SIMC1: variants seen among roughly 807,000 people sequenced by gnomAD.
SIMC1 encodes SUMO interacting motifs containing 1.
SIMC1 carries 55 observed loss-of-function variants against 82.3 expected under a neutral mutation model. That is an observed-to-expected ratio of 0.67 (90% CI 0.54 to 0.84). The LOEUF (loss-of-function observed/expected upper bound fraction) is 0.84, where lower values mean the gene tolerates loss of function less well. SIMC1 is among the 40% of genes least tolerant of loss of function. The pLI is 0.00. For missense variants in SIMC1, 915 were observed against 1,107.2 expected (o/e 0.83, Z 2.46); for synonymous variants, 353 against 426.3 (o/e 0.83, Z 2.12).
intron 4 of SIMC1, among the ~76,000 whole-genome samples, chr5:176,298,877 A>G (rs1763927642): frequency 6.6e-6 from 1 of 152,208 alleles, no homozygotes; most frequent in African/African-American, 2.4e-5. Flanking sequence ...AATCAATGAA[A>G]AATGAAGGAA....
At chr5:176,296,969 C>A (rs893309620) in intron 4 of SIMC1, among the ~76,000 whole-genome samples, 7 of 152,106 alleles carry the variant, frequency 4.6e-5, no homozygotes, top group African/African-American at 1.4e-4. Flanking sequence ...GCAGAGAAAG[C>A]CACATATATG....
At chr5:176,252,775 G>A (rs578188768) in intron 1 of SIMC1, among the ~76,000 whole-genome samples, 71 of 152,302 alleles carry the variant, frequency 4.7e-4, no homozygotes, top group South Asian at 2.3e-3. Flanking sequence ...GCACTTTGGG[G>A]GGCCAAGGCA....
chr5:176,304,994 T>C (rs1368140861), intron 4 of SIMC1, among the ~76,000 whole-genome samples: 3 of 121,078 alleles, frequency 2.5e-5, no homozygotes, highest in African/African-American at 9.6e-5. Flanking sequence ...GCCCGGCAGC[T>C]GCCCCGTCTG....
In SIMC1 at chr5:176,296,278, G is replaced by C. The variant is rs751949202; in HGVS notation, c.1692G>C (p.Val564=). 2.5e-6 allele frequency: 4 copies of C among 1,613,548 alleles called. No homozygotes were observed. In the South Asian group the frequency reaches 4.4e-5, roughly 18 times the overall value. Residue 564 remains valine, a synonymous_variant, in exon 4 of 10, where the codon GTG becomes GTC. Transcript: ENST00000429602. ...TACATCCAGCCAATGCCAAGACAGT[G>C]GAGTGGGACTGGAAACTGCTCACCT... is the stretch of plus-strand genomic sequence containing the variant. The part of the protein sequence containing the change: ...QQLHPANAKT[V]EWDWKLLTYV...
At chr5:176,308,221 A>T in intron 4 of SIMC1, 1 of 1,525,940 alleles carries the variant, frequency 6.6e-7, no homozygotes, top group Non-Finnish European at 9.0e-7. Flanking sequence ...CCAAATTTGC[A>T]TATACTGGAA....
chr5:176,330,851 C>T (rs1308364005), intron 7 of SIMC1, among the ~76,000 whole-genome samples: 2 of 151,994 alleles, frequency 1.3e-5, no homozygotes, highest in African/African-American at 4.8e-5. Flanking sequence ...AAGTATGTTC[C>T]CACAAGATAC....
At chr5:176,321,073 G>T (rs1328279518) in intron 5 of SIMC1, among the ~76,000 whole-genome samples, 1 of 152,004 alleles carries the variant, frequency 6.6e-6, no homozygotes, top group Admixed American at 6.6e-5. Context: ...TTGCACCCAG[G>T]TGATCATCAT....
In SIMC1 at chr5:176,290,036, G is replaced by A. The variant is rs779687324; in HGVS notation, c.512G>A (p.Ser171Asn). Reference sequence around the variant, plus strand: ...TCAGCCACATTCACAGGTAACCTCAGCTTCTTGGCAAGTCTACAGCTGTCT... The same window carrying A: ...TCAGCCACATTCACAGGTAACCTCAACTTCTTGGCAAGTCTACAGCTGTCT... Reference protein sequence around the residue: ...CSSATFTGNLSFLASLQLSSD... With the variant: ...CSSATFTGNLNFLASLQLSSD... The change falls in exon 2 of 10, where the codon AGC becomes AAC. Residue 171 changes from serine to asparagine, a missense_variant. Transcript: ENST00000429602. 4.3e-6 allele frequency: 7 copies of A among 1,612,930 alleles called. No homozygotes were observed. In the East Asian group the frequency reaches 1.3e-4, roughly 31 times the overall value.
chr5:176,317,653 A>G (rs1450820146), intron 5 of SIMC1, among the ~76,000 whole-genome samples: 1 of 152,176 alleles, frequency 6.6e-6, no homozygotes, highest in Non-Finnish European at 1.5e-5. Flanking sequence ...TTCTATTACT[A>G]TGACTATGTG....
rs1248644270 is a variant in SIMC1 at position 176,306,418 on chromosome 5, A to G, written c.1735-7273A>G. Among the ~76,000 whole-genome samples, 5 of 111,838 alleles carry G rather than the reference A, an allele frequency of 4.5e-5. 1 individual carries two copies. The highest frequency in any genetic ancestry group is 1.0e-4 in the African/African-American group (4 of 38,294). 73.4% of individuals were successfully genotyped at this position (111,838 alleles called of 152,430 possible). A position where few individuals can be genotyped will look rare whatever the true frequency, so the allele number is the denominator to read the frequency against. The stretch of plus-strand genomic sequence containing the variant: ...CCACCCCGTCTGGGAGGTGTGCCCA[A>G]CAGCTCATTGAGAACGGGCCAGGAT... On this transcript the variant is annotated intron_variant, in intron 4 of 9. Transcript: ENST00000429602.
Position 176,251,587 on chromosome 5 carries a change from T to C in SIMC1, c.129+12950T>C, listed in dbSNP as rs970677197. Among the ~76,000 whole-genome samples, 5 of 142,364 alleles carry C rather than the reference T, an allele frequency of 3.5e-5. No individual in the cohort carries two copies. The Admixed American group carries it at 3.5e-4, about 10-fold the overall frequency. The allele number at this position is 142,364 out of a possible 152,430, so 93.4% of individuals were successfully genotyped here. On this transcript the variant is annotated intron_variant, in intron 1 of 9. Coordinates refer to ENST00000429602, the MANE Select transcript of SIMC1 (RefSeq NM_001308195.2). ...CTGGGTTGAAAATTATTTTCTTTTC[T>C]TTTTTTTTTTTTTATTGATCATTCT...
chr5:176,335,577 C>G (rs1765857382), intron 7 of SIMC1, among the ~76,000 whole-genome samples: 1 of 151,424 alleles, frequency 6.6e-6, no homozygotes, highest in East Asian at 2.0e-4. Context: ...CACGCCCGGC[C>G]TTGTTTTTAA....
At chr5:176,285,100 T>G (rs943746642) in intron 1 of SIMC1, among the ~76,000 whole-genome samples, 1 of 152,060 alleles carries the variant, frequency 6.6e-6, no homozygotes, top group Non-Finnish European at 1.5e-5. Flanking sequence ...CTATTCCAAT[T>G]GATAGAAAAA....
At chr5:176,275,268 C>T (rs962993097) in intron 1 of SIMC1, among the ~76,000 whole-genome samples, 8 of 151,810 alleles carry the variant, frequency 5.3e-5, no homozygotes, top group South Asian at 4.2e-4. Context: ...CATGATTTGG[C>T]TCTCTGTCTG....
At chr5:176,263,469 G>T (rs1345135282) in intron 1 of SIMC1, 11 of 1,546,680 alleles carry the variant, frequency 7.1e-6, no homozygotes, top group Non-Finnish European at 9.6e-6. Context: ...ACCTCAGGAA[G>T]CTTCCAACCA....
chr5:176,313,582 CTTG>C (rs1764765750), intron 4 of SIMC1, 106 bp from the exon 5 acceptor site: 1 of 1,558,626 alleles, frequency 6.4e-7, no homozygotes, highest in Non-Finnish European at 8.7e-7. Context: ...CACAGGCATA[CTTG>C]TTGATGCATG....
intron 4 of SIMC1, among the ~76,000 whole-genome samples, chr5:176,311,783 C>A (rs6883338): frequency 0.14 from 21,029 of 152,096 alleles, 1,486 homozygotes; most frequent in Middle Eastern, 0.21. Flanking sequence ...TAACAGAATC[C>A]TGACACTGTA....
intron 2 of SIMC1, among the ~76,000 whole-genome samples, chr5:176,291,745 T>C (rs537120552): frequency 6.6e-6 from 1 of 152,332 alleles, no homozygotes; most frequent in East Asian, 1.9e-4. Context: ...CCCAAAGTGC[T>C]GGGATTACAG....
At chr5:176,277,574 A>T (rs199769201) in intron 1 of SIMC1, among the ~76,000 whole-genome samples, 1 of 151,832 alleles carries the variant, frequency 6.6e-6, no homozygotes, top group Non-Finnish European at 1.5e-5. Context: ...GGGTTTTTAT[A>T]GTTTTAGGTC....
Sources: allele counts gnomAD v4.1 joint callset (sites outside exome capture counted in the v4.1 genomes callset), GRCh38; gene constraint gnomAD v4.1.1; transcripts MANE v1.5; gene names NCBI Gene and HGNC (gene_info 2026-07-23, HGNC 2026-07-21).